NAV3: variants seen among roughly 807,000 people sequenced by gnomAD.
NAV3 encodes neuron navigator 3.
A neutral mutation model predicts 244.7 loss-of-function variants in NAV3; 87 were observed. The ratio of observed to expected loss-of-function variants is 0.36; its 90% CI spans 0.30 to 0.42. NAV3 has a LOEUF of 0.42. Ranked by LOEUF, NAV3 falls within the 20% of genes least tolerant of loss-of-function variation. The pLI is 1.00. For missense variants in NAV3, 2,663 were observed against 2,893.3 expected, an observed-to-expected ratio of 0.92 and a Z score of 1.83; for synonymous variants, 1,126 against 1,042.2, an observed-to-expected ratio of 1.08 and a Z score of -1.55.
chr12:77,811,906 T>A (rs1872305314), intron 2 of NAV3, among the ~76,000 whole-genome samples: 1 of 152,184 alleles, frequency 6.6e-6, no homozygotes, highest in Non-Finnish European at 1.5e-5. Flanking sequence ...CTCAAACTAG[T>A]TCCCATTTTT....
intron 5 of NAV3, among the ~76,000 whole-genome samples, chr12:77,983,773 G>A (rs1869984312): frequency 6.6e-6 from 1 of 152,150 alleles, no homozygotes; most frequent in Non-Finnish European, 1.5e-5. Context: ...GTTTTGCAAT[G>A]TACTGAGTTA....
intron 2 of NAV3, among the ~76,000 whole-genome samples, chr12:77,710,056 G>C (rs548763604): frequency 6.6e-6 from 1 of 152,098 alleles, no homozygotes; most frequent in Non-Finnish European, 1.5e-5. Context: ...ATAGTAATCT[G>C]TGTCTTAGAA....
chr12:77,730,982 C>A (rs1877100263), intron 2 of NAV3, among the ~76,000 whole-genome samples: 1 of 151,736 alleles, frequency 6.6e-6, no homozygotes, highest in Non-Finnish European at 1.5e-5. Context: ...TTGTATTCAG[C>A]TAATTTCTGA....
intron 3 of NAV3, among the ~76,000 whole-genome samples, chr12:77,949,052 A>G (rs1206822671): frequency 6.6e-6 from 1 of 152,032 alleles, no homozygotes; most frequent in Non-Finnish European, 1.5e-5. Context: ...TAAAAACTGA[A>G]TTGTGTGGAT....
At chr12:77,708,061 A>C (rs965553333) in intron 2 of NAV3, among the ~76,000 whole-genome samples, 1 of 152,136 alleles carries the variant, frequency 6.6e-6, no homozygotes, top group Non-Finnish European at 1.5e-5. Flanking sequence ...TCTTTAGTTT[A>C]ATTAGATCCC....
At chr12:77,787,881 C>G (rs1002120488) in intron 2 of NAV3, among the ~76,000 whole-genome samples, 1 of 152,108 alleles carries the variant, frequency 6.6e-6, no homozygotes, top group Non-Finnish European at 1.5e-5. Flanking sequence ...AGACTTATGA[C>G]AATTATTAGG....
intron 15 of NAV3, among the ~76,000 whole-genome samples, chr12:78,121,500 C>T (rs1955665847): frequency 2.8e-5 from 4 of 144,924 alleles, no homozygotes. Context: ...TTTGAATAAA[C>T]TGTTTAAAAA....
intron 2 of NAV3, among the ~76,000 whole-genome samples, chr12:77,698,502 A>C (rs1343306363): frequency 6.6e-6 from 1 of 152,168 alleles, no homozygotes; most frequent in Non-Finnish European, 1.5e-5. Flanking sequence ...ATAGGGGTCC[A>C]GTGGATCTCT....
intron 1 of NAV3, among the ~76,000 whole-genome samples, chr12:77,904,104 A>G (rs1885659389): frequency 6.6e-6 from 1 of 152,230 alleles, no homozygotes; most frequent in Admixed American, 6.5e-5. Context: ...TCAGGGATCT[A>G]GAACTAGAAT....
At chr12:78,138,448 G>A (rs1956467636) in intron 19 of NAV3, among the ~76,000 whole-genome samples, 1 of 152,046 alleles carries the variant, frequency 6.6e-6, no homozygotes, top group Admixed American at 6.6e-5. Flanking sequence ...ATGTTTTTCA[G>A]GTCACCACTA....
chr12:78,143,947 C>T (rs1213990000), intron 20 of NAV3, among the ~76,000 whole-genome samples: 1 of 152,044 alleles, frequency 6.6e-6, no homozygotes, highest in African/African-American at 2.4e-5. Context: ...TTGCTTTCCT[C>T]ATGGGAAAGA....
intron 1 of NAV3, among the ~76,000 whole-genome samples, chr12:77,848,931 A>G (rs1877057966): frequency 6.6e-6 from 1 of 152,302 alleles, no homozygotes; most frequent in South Asian, 2.1e-4. Flanking sequence ...CTTGAAAGAG[A>G]TATGTGCTGT....
At chr12:77,960,494 T>C (rs370861190) in intron 3 of NAV3, among the ~76,000 whole-genome samples, 2 of 149,160 alleles carry the variant, frequency 1.3e-5, no homozygotes, top group Non-Finnish European at 3.0e-5. Flanking sequence ...CATATATATA[T>C]AACACATTAA....
At chr12:77,685,490 C>CACACACAA (rs1555194570) in intron 2 of NAV3, among the ~76,000 whole-genome samples, 8 of 150,922 alleles carry the variant, frequency 5.3e-5, no homozygotes, top group African/African-American at 2.0e-4. Context: ...CACACACACA[C>CACACACAA]ACACACACAC....
intron 20 of NAV3, among the ~76,000 whole-genome samples, chr12:78,140,835 A>C (rs973391586): frequency 6.6e-6 from 1 of 151,538 alleles, no homozygotes; most frequent in African/African-American, 2.4e-5. Context: ...TTTTTTTTAA[A>C]TATACCTTTT....
chr12:77,678,999 C>A (rs551656870), intron 2 of NAV3, among the ~76,000 whole-genome samples: 1 of 152,212 alleles, frequency 6.6e-6, no homozygotes, highest in South Asian at 2.1e-4. Flanking sequence ...CCAAAACTTT[C>A]AAAAATGTAG....
intron 8 of NAV3, among the ~76,000 whole-genome samples, chr12:78,018,731 G>A (rs1876647681): frequency 6.6e-6 from 1 of 152,178 alleles, no homozygotes. Context: ...CTTCTTTGCA[G>A]GCAGCCAGTC....
At chr12:78,186,397 A>C (rs961984755) in intron 31 of NAV3, among the ~76,000 whole-genome samples, 3 of 151,910 alleles carry the variant, frequency 2.0e-5, no homozygotes, top group African/African-American at 7.2e-5. Flanking sequence ...AAAGTACTTA[A>C]GTTTGAAAAG....
intron 2 of NAV3, among the ~76,000 whole-genome samples, chr12:77,584,048 GTAATTTC>G (rs1183540224): frequency 6.6e-6 from 1 of 152,070 alleles, no homozygotes; most frequent in African/African-American, 2.4e-5. Flanking sequence ...CAGTATTACT[GTAATTTC>G]CTCAAGAAAG....
Sources: allele counts gnomAD v4.1 joint callset (sites outside exome capture counted in the v4.1 genomes callset), GRCh38; gene constraint gnomAD v4.1.1; transcripts MANE v1.5; gene names NCBI Gene and HGNC (gene_info 2026-07-23, HGNC 2026-07-21).